WDR27: variants seen among roughly 807,000 people sequenced by gnomAD.
WDR27 encodes WD repeat-containing protein 27.
WDR27 carries 100 observed loss-of-function variants against 114.4 expected under a neutral mutation model. That is an observed-to-expected ratio of 0.87 (90% CI 0.74 to 1.03). WDR27 has a LOEUF of 1.03. WDR27 is among the 50% of genes least tolerant of loss of function. The pLI, the probability that WDR27 is intolerant of heterozygous loss-of-function variation, is 0.00. For missense variants in WDR27, 1,129 were observed against 1,092.9 expected (o/e 1.03, Z -0.47); for synonymous variants, 449 against 423.1 (o/e 1.06, Z -0.75).
chr6:169,694,777 T>C (rs555267905), intron 1 of WDR27, among the ~76,000 whole-genome samples: 1 of 152,356 alleles, frequency 6.6e-6, no homozygotes, highest in Admixed American at 6.5e-5. Context: ...TGTCTGTTCC[T>C]ATGCAGTGGC....
At chr6:169,468,586 T>C (rs1334805668) in intron 25 of WDR27, among the ~76,000 whole-genome samples, 1 of 152,046 alleles carries the variant, frequency 6.6e-6, no homozygotes, top group Admixed American at 6.5e-5. Context: ...CCATGACACA[T>C]GGGGATTGTG....
intron 25 of WDR27, among the ~76,000 whole-genome samples, chr6:169,547,873 A>G (rs984304159): frequency 6.6e-6 from 1 of 152,098 alleles, no homozygotes; most frequent in Non-Finnish European, 1.5e-5. Context: ...CTGACTTTGT[A>G]GATGACATGA....
intron 22 of WDR27, among the ~76,000 whole-genome samples, chr6:169,603,727 C>T (rs1808526897): frequency 1.3e-5 from 2 of 152,188 alleles, no homozygotes; most frequent in African/African-American, 4.8e-5. Flanking sequence ...CCAGCTAAGC[C>T]CCTTCTCATC....
intron 25 of WDR27, among the ~76,000 whole-genome samples, chr6:169,468,601 C>T (rs1785922022): frequency 1.3e-5 from 2 of 152,200 alleles, no homozygotes; most frequent in Non-Finnish European, 2.9e-5. Flanking sequence ...ATTGTGGGAA[C>T]TACAGTTCAA....
intron 16 of WDR27, among the ~76,000 whole-genome samples, chr6:169,645,008 C>CAAAA (rs1194294838): frequency 3.7e-4 from 3 of 8,162 alleles, no homozygotes; most frequent in Admixed American, 1.8e-3. Context: ...GACTCCGTCT[C>CAAAA]AAAAAAAAAA....
Position 169,592,858 on chromosome 6 carries a change from CG to C in WDR27, c.2424+9360del, listed in dbSNP as rs1174079737. ...AGGCATTCATGGATTCCTCTTTTACCGGGTGTTTTAGCAGAAATGAATCCAG... is the reference window on the plus strand; with the variant it reads ...AGGCATTCATGGATTCCTCTTTTACCGGTGTTTTAGCAGAAATGAATCCAG... On this transcript the variant is annotated intron_variant, in intron 23 of 25. Coordinates refer to ENST00000448612, the MANE Select transcript of WDR27 (RefSeq NM_182552.5). 4.6e-5 allele frequency among the ~76,000 whole-genome samples: 7 copies of C among 152,182 alleles called. No individual in the cohort carries two copies. The East Asian group carries it at 1.4e-3, about 29-fold the overall frequency.
chr6:169,436,336 T>C, the WDR27 span, among the ~76,000 whole-genome samples: 3 of 152,218 alleles, frequency 2.0e-5, no homozygotes, highest in Admixed American at 6.5e-5. Context: ...CTCTACCAGA[T>C]GTTTTAAGGT....
At chr6:169,568,488 T>C (rs1800858054) in intron 25 of WDR27, among the ~76,000 whole-genome samples, 2 of 152,080 alleles carry the variant, frequency 1.3e-5, no homozygotes, top group Admixed American at 6.6e-5. Context: ...ACTCACTACT[T>C]CAAGTCACTA....
rs1399580515 is a variant in WDR27, at chr6:169,689,067, A to T, written c.-7-55T>A. On this transcript the variant is annotated intron_variant, in intron 1 of 25. Transcript: ENST00000448612. ...TATAGGTATCATATTTAATACAGAA[A>T]AAAAGTCTATTACCTACTGATAGTT... The T allele has an allele frequency of 3.7e-6, 5 of 1,340,984 alleles. No homozygotes were observed. The East Asian group carries it at 1.3e-4, about 35-fold the overall frequency. The allele number at this position is 1,340,984 out of a possible 1,614,324, so 83.1% of individuals were successfully genotyped here.
At chr6:169,447,554 C>T in the WDR27 span, among the ~76,000 whole-genome samples, 1 of 152,122 alleles carries the variant, frequency 6.6e-6, no homozygotes, top group Non-Finnish European at 1.5e-5. Context: ...TTTGTTTTTA[C>T]ATAAGGAGAC....
intron 25 of WDR27, among the ~76,000 whole-genome samples, chr6:169,458,073 T>A (rs1361114488): frequency 2.0e-5 from 3 of 152,066 alleles, no homozygotes; most frequent in Non-Finnish European, 4.4e-5. Context: ...CTGATGTACG[T>A]ACTTCCAGTA....
intron 1 of WDR27, among the ~76,000 whole-genome samples, chr6:169,692,871 CAT>C (rs1784865510): frequency 6.6e-6 from 1 of 152,146 alleles, no homozygotes; most frequent in South Asian, 2.1e-4. Flanking sequence ...ACACAAAAGA[CAT>C]AAACTCTTGG....
intron 25 of WDR27, among the ~76,000 whole-genome samples, chr6:169,489,671 G>A (rs1425448835): frequency 6.6e-6 from 1 of 152,160 alleles, no homozygotes; most frequent in Non-Finnish European, 1.5e-5. Context: ...CTGGCTATTG[G>A]TCAGATCCCG....
rs1258131392 is a variant in WDR27, at chr6:169,684,641, G to A, written c.189+4176C>T. ...GCCATAAGCTGTGTGACTATGTCCTGGGACTGAGAAGCAGTCCTGTGGGTT... is the reference window on the plus strand; with the variant it reads ...GCCATAAGCTGTGTGACTATGTCCTAGGACTGAGAAGCAGTCCTGTGGGTT... On this transcript the variant is annotated intron_variant, in intron 2 of 25. Coordinates refer to ENST00000448612, the MANE Select transcript of WDR27 (RefSeq NM_182552.5). This position sits in a 1 kb window ranked among gnomAD's most constrained non-coding sequence, Gnocchi z 4.3. Among the ~76,000 whole-genome samples the A allele has an allele frequency of 6.6e-6, 1 of 152,174 alleles. No homozygotes were observed. Among genetic ancestry groups the A allele is most frequent in the African/African-American group, 2.4e-5 (1 of 41,444 alleles).
chr6:169,474,112 G>T (rs1786813444), intron 25 of WDR27, among the ~76,000 whole-genome samples: 1 of 152,176 alleles, frequency 6.6e-6, no homozygotes, highest in African/African-American at 2.4e-5. Flanking sequence ...TGTAACCACA[G>T]GGCTTCCCTT....
intron 25 of WDR27, among the ~76,000 whole-genome samples, chr6:169,554,433 C>T (rs945814505): frequency 1.4e-4 from 21 of 152,184 alleles, no homozygotes; most frequent in African/African-American, 2.7e-4. Context: ...AGATGTGCTA[C>T]GATTCATGGC....
At chr6:169,683,606 A>G (rs1015243892) in intron 2 of WDR27, among the ~76,000 whole-genome samples, 1 of 152,092 alleles carries the variant, frequency 6.6e-6, no homozygotes, top group Non-Finnish European at 1.5e-5. Flanking sequence ...GCAACACAGC[A>G]GGGGAAGTGA....
chr6:169,615,914 G>A (rs951823369), intron 21 of WDR27, among the ~76,000 whole-genome samples: 5 of 150,114 alleles, frequency 3.3e-5, no homozygotes, highest in African/African-American at 1.2e-4. Context: ...GCATCTATAA[G>A]GAACTTACGC....
chr6:169,597,661 A>G (rs1481178880), intron 23 of WDR27, among the ~76,000 whole-genome samples: 1 of 151,938 alleles, frequency 6.6e-6, no homozygotes, highest in South Asian at 2.1e-4. Flanking sequence ...TAAAAACCCT[A>G]CTCTGCTTCT....
Sources: gnomAD v4.1 joint callset for allele counts (sites outside exome capture counted in the v4.1 genomes callset) on GRCh38, gnomAD v4.1.1 for gene constraint, Gnocchi (gnomAD v3.1) non-coding constraint, MANE v1.5 for transcripts, NCBI Gene and HGNC (gene_info 2026-07-23, HGNC 2026-07-21) for gene names.